SLC34A3: variants seen among roughly 807,000 people sequenced by gnomAD.
The protein encoded by SLC34A3 is sodium-dependent phosphate transport protein 2C.
SLC34A3 carries 60 observed loss-of-function variants against 43.9 expected under a neutral mutation model. The observed-to-expected ratio is 1.37, with a 90% confidence interval of 1.11 to 1.70. The LOEUF is 1.70. Among genes scored for constraint, SLC34A3 ranks in the 40% most tolerant of loss-of-function variants. The pLI, the probability that SLC34A3 is intolerant of heterozygous loss-of-function variation, is 0.00. For synonymous variants in SLC34A3, 451 were observed against 386.2 expected (o/e 1.17, Z -1.97); for missense variants, 969 against 823.8 (o/e 1.18, Z -2.16).
rs1344185387 is a variant in SLC34A3, at chr9:137,236,459, A to G, written c.*43A>G. ...GACCGCCCCACCCTCCCCGGCTGGGAGGGCTCTGGAGGGCCCTGGAGGGGG... is the reference window on the plus strand; with the variant it reads ...GACCGCCCCACCCTCCCCGGCTGGGGGGGCTCTGGAGGGCCCTGGAGGGGG... On this transcript the variant is annotated 3_prime_UTR_variant, in exon 13 of 13. Coordinates refer to ENST00000673835, the MANE Select transcript of SLC34A3 (RefSeq NM_001177316.2). 6.7e-7 allele frequency: 1 copy of G among 1,487,698 alleles called. No individual in the cohort carries two copies. The highest frequency in any genetic ancestry group is 9.1e-7 in the Non-Finnish European group (1 of 1,103,792). The allele number at this position is 1,487,698 out of a possible 1,614,324, so 92.2% of individuals were successfully genotyped here. A position where few individuals can be genotyped will look rare whatever the true frequency, so the allele number is the denominator to read the frequency against.
chr9:137,233,702 T>C lies in SLC34A3; in HGVS notation c.826T>C (p.Cys276Arg). The C allele has an allele frequency of 1.2e-6, 2 of 1,612,584 alleles. No homozygotes were observed. The highest frequency in any genetic ancestry group is 1.1e-5 in the South Asian group (1 of 91,074). Reference sequence around the variant, plus strand: ...TAACAGCAGTCTCATTAAGCACTGGTGCGGCACCACGGGGCAGCCGGTGAG... The same window carrying C: ...TAACAGCAGTCTCATTAAGCACTGGCGCGGCACCACGGGGCAGCCGGTGAG... ...ATNSSLIKHW[C>R]GTTGQPTQEN... The change falls in exon 8 of 13, where the codon TGC becomes CGC. Residue 276 changes from cysteine to arginine, a missense_variant. Coordinates refer to ENST00000673835, the MANE Select transcript of SLC34A3 (RefSeq NM_001177316.2).
rs1237771351 is a variant in SLC34A3 at position 137,234,315 on chromosome 9, C to T, written c.1093+39C>T. On this transcript the variant is annotated intron_variant, in intron 10 of 12. Transcript: ENST00000673835. This position sits in a 1 kb window ranked among gnomAD's most constrained non-coding sequence, Gnocchi z 6.9. ...AGGAGGTGCGGTGGCCAGGGCTGAC[C>T]CAGCATCCCCCATAGACTTCCCCTT... The T allele has an allele frequency of 4.4e-6, 7 of 1,605,446 alleles. No individual in the cohort carries two copies. The highest frequency in any genetic ancestry group is 5.9e-6 in the Non-Finnish European group (7 of 1,178,996).
Position 137,236,544 on chromosome 9 carries a change from C to T in SLC34A3, c.*128C>T, listed in dbSNP as rs201568030. 2,825 of 858,082 alleles carry T rather than the reference C, an allele frequency of 3.3e-3. 12 individuals carry two copies. Among genetic ancestry groups the T allele is most frequent in the Non-Finnish European group, 4.7e-3 (2,505 of 533,056 alleles). The allele number at this position is 858,082 out of a possible 1,614,324, so 53.2% of individuals were successfully genotyped here. On this transcript the variant is annotated 3_prime_UTR_variant, in exon 13 of 13. Coordinates refer to ENST00000673835, the MANE Select transcript of SLC34A3 (RefSeq NM_001177316.2). ...TCCCCTTCTGTGCAAATAAACCAGG[C>T]TGTTATCTGGGGTGGCGGTCCTCAC...
In SLC34A3 at chr9:137,234,532, G is replaced by A. The variant is rs759768852; in HGVS notation, c.1210G>A (p.Gly404Arg). Residue 404 changes from glycine to arginine, a missense_variant and splice_region_variant, in exon 11 of 13, where the codon GGG (glycine) becomes AGG (arginine). By Grantham distance (125) the Gly-to-Arg change is moderately radical (BLOSUM62 -2). Coordinates refer to ENST00000673835, the MANE Select transcript of SLC34A3 (RefSeq NM_001177316.2). This position sits in a 1 kb window ranked among gnomAD's most constrained non-coding sequence, Gnocchi z 6.9. ...CACGGCGGCCGTCGTGCCCCTCATG[G>A]GTGAGCAGGCAGGACAGAGGCCTCG... ...VFTAAVVPLM[G>R]VGVISLDRAY... The A allele has an allele frequency of 4.4e-6, 7 of 1,607,894 alleles. No homozygotes were observed. Among genetic ancestry groups the A allele is most frequent in the Non-Finnish European group, 5.9e-6 (7 of 1,178,152 alleles).
chr9:137,231,661 CAGATCT>C lies in SLC34A3; in HGVS notation c.-38_-33del. ...TCTCTGACACGCGCGTCCCCCCCAG[CAGATCT>C]AGACCTGGGCCTGGGTCTGTCCCTG... On this transcript the variant is annotated splice_acceptor_variant and 5_prime_UTR_variant, in exon 2 of 13. Coordinates refer to ENST00000673835, the MANE Select transcript of SLC34A3 (RefSeq NM_001177316.2). LOFTEE classifies it low-confidence loss of function (5UTR_SPLICE). The C allele has an allele frequency of 2.0e-6, 3 of 1,528,080 alleles. No individual in the cohort carries two copies. Among genetic ancestry groups the C allele is most frequent in the Non-Finnish European group, 2.7e-6 (3 of 1,103,288 alleles). 94.7% of individuals were successfully genotyped at this position (1,528,080 alleles called of 1,614,324 possible).
chr9:137,236,084 G>T lies in SLC34A3; in HGVS notation c.1468G>T (p.Val490Phe), dbSNP rs753654458. 1 of 1,612,382 alleles carries T rather than the reference G, an allele frequency of 6.2e-7. No homozygotes were observed. The highest frequency in any genetic ancestry group is 1.7e-5 in the Admixed American group (1 of 60,018). Residue 490 changes from valine to phenylalanine, a missense_variant, in exon 13 of 13, where the codon GTC becomes TTC. Coordinates refer to ENST00000673835, the MANE Select transcript of SLC34A3 (RefSeq NM_001177316.2). ...CGCCCGTTACCGCTGGGTGGCTGGGGTCTACCTGCTGCTCGGATTCCTGCT... is the reference window on the plus strand; with the variant it reads ...CGCCCGTTACCGCTGGGTGGCTGGGTTCTACCTGCTGCTCGGATTCCTGCT... ...VTARYRWVAG[V>F]YLLLGFLLLP...
rs773155468 is a variant in SLC34A3, at chr9:137,233,168, G to A, written c.561-41G>A. On this transcript the variant is annotated intron_variant, in intron 6 of 12. Transcript: ENST00000673835. The stretch of plus-strand genomic sequence containing the variant: ...GGGGCTGCAGTGGCAGCCCCAGCCC[G>A]GGCCCCCCCACCTGACCCTGCCCAC... The A allele has an allele frequency of 3.5e-5, 54 of 1,551,992 alleles. No homozygotes were observed. In the African/African-American group the frequency reaches 4.5e-4, roughly 13 times the overall value.
intron 12 of SLC34A3, among the ~76,000 whole-genome samples, 195 bp from the exon 13 acceptor site, chr9:137,235,757 A>G (rs1458828977): frequency 6.6e-6 from 1 of 152,180 alleles, no homozygotes; most frequent in African/African-American, 2.4e-5. Context: ...AGCTCCCAGG[A>G]GCGTGCGGGA....
rs1015897530 is a variant in SLC34A3 at position 137,234,372 on chromosome 9, C to G, written c.1094-44C>G. ...AGGCTGACTCGGGGGCTACCTGGCC[C>G]TCCTTGTGGGCGCTGGCCAGGGCTG... is the stretch of plus-strand genomic sequence containing the variant. On this transcript the variant is annotated intron_variant, in intron 10 of 12. Coordinates refer to ENST00000673835, the MANE Select transcript of SLC34A3 (RefSeq NM_001177316.2). The surrounding 1 kb of genome is among the most constrained non-coding windows in gnomAD (Gnocchi z 6.9). 1 of 1,594,794 alleles carries G rather than the reference C, an allele frequency of 6.3e-7. No individual in the cohort carries two copies. The highest frequency in any genetic ancestry group is 8.5e-7 in the Non-Finnish European group (1 of 1,176,496).
chr9:137,235,902 G>A (rs1007889190), intron 12 of SLC34A3, 50 bp from the exon 13 acceptor site: 3 of 1,582,148 alleles, frequency 1.9e-6, no homozygotes, highest in Non-Finnish European at 2.6e-6. Context: ...GGGGCCCCTG[G>A]TGACCCCACC....
intron 12 of SLC34A3, among the ~76,000 whole-genome samples, chr9:137,235,638 T>C (rs1403250566): frequency 1.3e-5 from 2 of 152,174 alleles, no homozygotes; most frequent in Non-Finnish European, 2.9e-5. Context: ...AGACGGGGTC[T>C]CTTGGCAGGA....
rs1836599480 is a variant in SLC34A3, at chr9:137,236,370, C to T, written c.1754C>T (p.Ala585Val). ...CSPPKATTKE[A>V]YCYENPEILA... ...CCCCCGAAGGCCACCACCAAAGAGG[C>T]CTACTGCTACGAGAACCCTGAGATC... Residue 585 changes from alanine (A) to valine (V), a missense_variant, in exon 13 of 13, where the codon GCC becomes GTC. By Grantham distance (64) the Ala-to-Val change is moderately conservative. Coordinates refer to ENST00000673835, the MANE Select transcript of SLC34A3 (RefSeq NM_001177316.2). 6.5e-7 allele frequency: 1 copy of T among 1,539,602 alleles called. No homozygotes were observed. The highest frequency in any genetic ancestry group is 8.7e-7 in the Non-Finnish European group (1 of 1,146,786).
chr9:137,233,026 G>A lies in SLC34A3; in HGVS notation c.471G>A (p.Val157=). ...CAGTGCTGACTGTCCGGGTGTCTGT[G>A]CCCATCATCATGGGTGTCAACGTAG... is the stretch of plus-strand genomic sequence containing the variant. ...AAKLLTVRVS[V]PIIMGVNVGT... Residue 157 remains valine (V), a synonymous_variant, in exon 6 of 13, where the codon GTG becomes GTA. Coordinates refer to ENST00000673835, the MANE Select transcript of SLC34A3 (RefSeq NM_001177316.2). 6.2e-7 allele frequency: 1 copy of A among 1,612,034 alleles called. No homozygotes were observed. Among genetic ancestry groups the A allele is most frequent in the South Asian group, 1.1e-5 (1 of 91,006 alleles).
chr9:137,232,490 G>T, intron 3 of SLC34A3, 85 bp from the exon 4 acceptor site: 2 of 1,567,618 alleles, frequency 1.3e-6, no homozygotes, highest in Non-Finnish European at 1.7e-6. Context: ...AGACAGAGGA[G>T]AGAGGGGGCA....
chr9:137,234,251 G>C lies in SLC34A3; in HGVS notation c.1068G>C (p.Gln356His), dbSNP rs1456703245. The stretch of plus-strand genomic sequence containing the variant: ...CTGTGCTGCGCGGCCGCGTGGCCCA[G>C]GTCGTGAGGACAGTCATCAATGCGG... ...LNSVLRGRVA[Q>H]VVRTVINADF... Residue 356 changes from glutamine to histidine, a missense_variant, in exon 10 of 13, where the codon CAG becomes CAC. By Grantham distance (24) the Gln-to-His change is conservative. Coordinates refer to ENST00000673835, the MANE Select transcript of SLC34A3 (RefSeq NM_001177316.2). The surrounding 1 kb of genome is among the most constrained non-coding windows in gnomAD (Gnocchi z 6.9). The C allele has an allele frequency of 6.2e-7, 1 of 1,610,722 alleles. No homozygotes were observed. Among genetic ancestry groups the C allele is most frequent in the African/African-American group, 1.3e-5 (1 of 74,888 alleles).
intron 12 of SLC34A3, among the ~76,000 whole-genome samples, 186 bp from the exon 13 acceptor site, chr9:137,235,766 G>C (rs1019986925): frequency 1.3e-5 from 2 of 152,202 alleles, no homozygotes; most frequent in African/African-American, 4.8e-5. Context: ...GAGCGTGCGG[G>C]AGGCGTGCTG....
At chr9:137,235,624 G>T (rs1836544981) in intron 12 of SLC34A3, among the ~76,000 whole-genome samples, 2 of 152,234 alleles carry the variant, frequency 1.3e-5, no homozygotes, top group African/African-American at 2.4e-5. Context: ...ACTGGGGACT[G>T]AGGAGACGGG....
rs150835225 is a variant in SLC34A3 at position 137,234,512 on chromosome 9, C to T, written c.1190C>T (p.Ala397Val). 2.4e-5 allele frequency: 38 copies of T among 1,604,770 alleles called. No individual in the cohort carries two copies. The highest frequency in any genetic ancestry group is 5.3e-5 in the African/African-American group (4 of 74,940). The change falls in exon 11 of 13, where the codon GCG becomes GTG. Residue 397 changes from alanine to valine, a missense_variant. Transcript: ENST00000673835. The surrounding 1 kb of genome is among the most constrained non-coding windows in gnomAD (Gnocchi z 6.9). ...CTGCAGAGCAGCAGCGTCTTCACGGCGGCCGTCGTGCCCCTCATGGGTGAG... is the reference window on the plus strand; with the variant it reads ...CTGCAGAGCAGCAGCGTCTTCACGGTGGCCGTCGTGCCCCTCATGGGTGAG... ...FALQSSSVFT[A>V]AVVPLMGVGV...
In SLC34A3 at chr9:137,234,905, C is replaced by T. The variant is rs1836497545; in HGVS notation, c.1335+174C>T. ...TCTGCCTCCTTGGACCCCACAGGTC[C>T]TGCACACATTTCACACCCTCCCTGC... On this transcript the variant is annotated intron_variant, in intron 12 of 12. Coordinates refer to ENST00000673835, the MANE Select transcript of SLC34A3 (RefSeq NM_001177316.2). The surrounding 1 kb of genome is among the most constrained non-coding windows in gnomAD (Gnocchi z 6.9). 6.6e-6 allele frequency among the ~76,000 whole-genome samples: 1 copy of T among 152,134 alleles called. No homozygotes were observed. The highest frequency in any genetic ancestry group is 1.5e-5 in the Non-Finnish European group (1 of 67,994).
Sources: gnomAD v4.1 joint callset for allele counts (sites outside exome capture counted in the v4.1 genomes callset) on GRCh38, gnomAD v4.1.1 for gene constraint, Gnocchi (gnomAD v3.1) non-coding constraint, MANE v1.5 for transcripts, NCBI Gene and HGNC (gene_info 2026-07-23, HGNC 2026-07-21) for gene names.